Variants in STAMBPL1 observed in about 807,000 individuals in gnomAD.
STAMBPL1 encodes the protein AMSH-like protease.
In STAMBPL1, 44 loss-of-function variants were observed where a neutral mutation model predicts 52.9. That is an observed-to-expected ratio of 0.83 (90% CI 0.65 to 1.07). The LOEUF (loss-of-function observed/expected upper bound fraction) is 1.07. STAMBPL1 is among the 50% of genes least tolerant of loss of function. STAMBPL1 has a pLI of 0.00. For synonymous variants in STAMBPL1, 164 were observed against 177.3 expected (o/e 0.92, Z 0.60); for missense variants, 511 against 520.8 (o/e 0.98, Z 0.18).
chr10:88,907,114 G>A (rs1018850110), intron 3 of STAMBPL1, among the ~76,000 whole-genome samples: 1 of 152,034 alleles, frequency 6.6e-6, no homozygotes, highest in Admixed American at 6.6e-5. Context: ...TTGTAAGTGA[G>A]ATCATGCAGT....
intron 1 of STAMBPL1, among the ~76,000 whole-genome samples, chr10:88,886,166 A>G (rs1270404530): frequency 6.6e-6 from 1 of 152,240 alleles, no homozygotes. Flanking sequence ...CTTACAAAAT[A>G]CCAAAACGTC....
chr10:88,897,642 C>T (rs1241763327), intron 1 of STAMBPL1, among the ~76,000 whole-genome samples: 4 of 152,174 alleles, frequency 2.6e-5, no homozygotes, highest in Non-Finnish European at 4.4e-5. Flanking sequence ...TTAAGCCACT[C>T]TAAAAGCAGC....
chr10:88,921,035 G>A (rs1373252190), intron 8 of STAMBPL1, among the ~76,000 whole-genome samples: 3 of 152,098 alleles, frequency 2.0e-5, no homozygotes, highest in African/African-American at 4.8e-5. Context: ...TTAATTTCCA[G>A]CTCTTTCTTT....
intron 1 of STAMBPL1, among the ~76,000 whole-genome samples, chr10:88,889,329 A>G (rs1052224979): frequency 2.6e-4 from 39 of 152,136 alleles, no homozygotes; most frequent in Admixed American, 2.2e-3. Flanking sequence ...CCTCATCCAT[A>G]TTGAGTTGGA....
At chr10:88,882,038 T>C (rs567449954) in intron 1 of STAMBPL1, 2 of 152,384 alleles carry the variant, frequency 1.3e-5, no homozygotes, top group African/African-American at 4.8e-5. Context: ...AAATTGCCAC[T>C]AAGAATCTGC....
At chr10:88,910,605 T>C (rs567166586) in intron 4 of STAMBPL1, among the ~76,000 whole-genome samples, 1 of 152,330 alleles carries the variant, frequency 6.6e-6, no homozygotes, top group Non-Finnish European at 1.5e-5. Flanking sequence ...ACTCACTGCC[T>C]AAAAATGGGG....
rs773945460 is a variant in STAMBPL1, at chr10:88,913,202, G to C, written c.522G>C (p.Ser174=). 6 of 1,613,706 alleles carry C rather than the reference G, an allele frequency of 3.7e-6. No individual in the cohort carries two copies. In the Admixed American group the frequency reaches 5.0e-5, roughly 13 times the overall value. ...AGATGCGCCAGCAGCAGCTAGAATC[G>C]GAGCAGTTTCTGTTTTTCGAAGATC... ...IAQMRQQQLE[S]EQFLFFEDQL... The change falls in exon 6 of 11, where the codon TCG becomes TCC. Residue 174 remains serine (S), a synonymous_variant. Transcript: ENST00000371926.
chr10:88,921,434 G>A (rs1427387765), intron 9 of STAMBPL1, 39 bp downstream of exon 9: 3 of 1,539,132 alleles, frequency 1.9e-6, no homozygotes, highest in Admixed American at 1.7e-5. Flanking sequence ...AGAAGGCTTT[G>A]TCCAGGGCTG....
intron 1 of STAMBPL1, among the ~76,000 whole-genome samples, chr10:88,884,845 G>A (rs1050517536): frequency 2.6e-5 from 4 of 152,146 alleles, no homozygotes; most frequent in Non-Finnish European, 4.4e-5. Context: ...TTTTCCCCAC[G>A]TACTAGTAGT....
At chr10:88,915,482 T>C (rs1845345301) in intron 7 of STAMBPL1, among the ~76,000 whole-genome samples, 1 of 152,218 alleles carries the variant, frequency 6.6e-6, no homozygotes, top group Non-Finnish European at 1.5e-5. Flanking sequence ...AATGGGCATC[T>C]ATAGTCGCCT....
chr10:88,908,606 TGTC>T (rs1845136184), intron 3 of STAMBPL1, 93 bp from the exon 4 acceptor site: 1 of 980,414 alleles, frequency 1.0e-6, no homozygotes, highest in Admixed American at 2.4e-5. Context: ...TTATTAAACA[TGTC>T]ATTTTTGAAA....
At chr10:88,899,426 C>T (rs149519384) in intron 1 of STAMBPL1, among the ~76,000 whole-genome samples, 5 of 152,282 alleles carry the variant, frequency 3.3e-5, no homozygotes, top group Non-Finnish European at 5.9e-5. Flanking sequence ...ATGTAAAAAC[C>T]GCTATCCTAA....
intron 1 of STAMBPL1, among the ~76,000 whole-genome samples, chr10:88,890,665 T>C (rs1244834132): frequency 6.6e-6 from 1 of 152,270 alleles, no homozygotes; most frequent in Non-Finnish European, 1.5e-5. Flanking sequence ...TCTTCACCTC[T>C]GATAGTGAAG....
rs750048530 is a variant in STAMBPL1 at position 88,910,967 on chromosome 10, T to C, written c.376T>C (p.Leu126=). ...PRTDELKNDL[L]KKYNVEYQEY... ...GACAGATGAATTGAAAAACGACCTT[T>C]TAAAGAAATATAACGTAGAATACCA... Residue 126 remains leucine, a synonymous_variant, in exon 5 of 11, where the codon TTA becomes CTA. Coordinates refer to ENST00000371926, the MANE Select transcript of STAMBPL1 (RefSeq NM_020799.4). The C allele has an allele frequency of 6.3e-7, 1 of 1,597,482 alleles. No homozygotes were observed. Among genetic ancestry groups the C allele is most frequent in the Non-Finnish European group, 8.5e-7 (1 of 1,174,560 alleles).
intron 2 of STAMBPL1, among the ~76,000 whole-genome samples, chr10:88,902,496 G>A (rs998319708): frequency 1.3e-5 from 2 of 152,082 alleles, no homozygotes; most frequent in Admixed American, 6.6e-5. Context: ...TACCCTGTAC[G>A]CACAAAGACT....
intron 3 of STAMBPL1, 45 bp downstream of exon 3, chr10:88,905,705 T>C (rs183388542): frequency 1.4e-6 from 2 of 1,476,558 alleles, no homozygotes. Context: ...TGGAAAAATA[T>C]TTACATAGTT....
At chr10:88,906,192 T>G (rs78581449) in intron 3 of STAMBPL1, among the ~76,000 whole-genome samples, 1 of 152,224 alleles carries the variant, frequency 6.6e-6, no homozygotes, top group Non-Finnish European at 1.5e-5. Flanking sequence ...TTAAAAAACA[T>G]TTTATTTGGC....
chr10:88,916,404 T>C (rs1003862373), intron 7 of STAMBPL1, among the ~76,000 whole-genome samples: 3 of 151,554 alleles, frequency 2.0e-5, no homozygotes, highest in Non-Finnish European at 4.4e-5. Flanking sequence ...CAAGTTCCTA[T>C]TTCTGTTATG....
At chr10:88,913,501 G>A (rs778763162) in intron 6 of STAMBPL1, 43 bp downstream of exon 6, 64 of 1,507,490 alleles carry the variant, frequency 4.2e-5, no homozygotes, top group East Asian at 6.8e-5. Flanking sequence ...GAGCCTCATC[G>A]GATGGAACCA....
Sources: allele counts gnomAD v4.1 joint callset (sites outside exome capture counted in the v4.1 genomes callset), GRCh38; gene constraint gnomAD v4.1.1; transcripts MANE v1.5; gene names NCBI Gene and HGNC (gene_info 2026-07-23, HGNC 2026-07-21).